The following EOGT variants were observed in gnomAD, a reference collection of about 807,000 sequenced individuals.
EOGT encodes the protein EGF domain specific O-linked N-acetylglucosamine transferase.
EOGT carries 55 observed loss-of-function variants against 70.5 expected under a neutral mutation model. The observed-to-expected ratio is 0.78, with a 90% confidence interval of 0.63 to 0.98. EOGT has a LOEUF of 0.98. Among genes scored for constraint, EOGT ranks in the 50% least tolerant of loss-of-function variants. The probability of loss-of-function intolerance (pLI) is 0.00; values close to 1 mark genes in which losing one functional copy is unlikely to be tolerated. For missense variants in EOGT, 703 were observed against 641.9 expected (o/e 1.10, Z -1.03); for synonymous variants, 246 against 217.1 (o/e 1.13, Z -1.17).
At chr3:69,011,071 T>C (rs2091561679) in intron 3 of EOGT, among the ~76,000 whole-genome samples, 1 of 152,052 alleles carries the variant, frequency 6.6e-6, no homozygotes, top group African/African-American at 2.4e-5. Flanking sequence ...GTGATAATGG[T>C]CAGAAACCTC....
chr3:68,993,493 T>C (rs769086707), intron 10 of EOGT, among the ~76,000 whole-genome samples: 19 of 152,190 alleles, frequency 1.2e-4, no homozygotes, highest in Non-Finnish European at 2.1e-4. Flanking sequence ...TCCATATCAC[T>C]ATCAGCATTT....
At chr3:69,011,404 T>C (rs902821113) in intron 3 of EOGT, among the ~76,000 whole-genome samples, 1 of 151,646 alleles carries the variant, frequency 6.6e-6, no homozygotes, top group African/African-American at 2.4e-5. Flanking sequence ...GACTGGCAGA[T>C]TGCTTGAGTC....
At chr3:68,987,370 T>A in intron 14 of EOGT, 75 bp downstream of exon 14, 1 of 1,052,426 alleles carries the variant, frequency 9.5e-7, no homozygotes, top group Non-Finnish European at 1.4e-6. Flanking sequence ...TTTAACGTAA[T>A]GTGAAAAAAA....
In EOGT at chr3:68,996,051, G is replaced by GT. The variant is rs773689196; in HGVS notation, c.831+1959dup. 8.5e-5 allele frequency among the ~76,000 whole-genome samples: 13 copies of GT among 152,310 alleles called. No homozygotes were observed. The South Asian group carries it at 2.5e-3, about 29-fold the overall frequency. On this transcript the variant is annotated intron_variant, in intron 10 of 17. Coordinates refer to ENST00000383701, the MANE Select transcript of EOGT (RefSeq NM_001278689.2). ...AATAATTTAGGGCTTGTAATGGCTG[G>GT]TGAGTGTGGCCTGACTTCACTGATA...
intron 3 of EOGT, 67 bp from the exon 4 acceptor site, chr3:69,009,927 CA>C: frequency 7.6e-5 from 41 of 538,290 alleles, no homozygotes; most frequent in Non-Finnish European, 1.1e-4. Context: ...ACAACAACAA[CA>C]ACAACAAAAA....
intron 14 of EOGT, among the ~76,000 whole-genome samples, chr3:68,985,251 AAC>A (rs1267360313): frequency 1.3e-5 from 2 of 152,102 alleles, no homozygotes; most frequent in Admixed American, 1.3e-4. Context: ...TAGGTCTTTA[AAC>A]ACACACATAC....
intron 2 of EOGT, 99 bp downstream of exon 2, chr3:69,012,416 G>C (rs1180506449): frequency 1.3e-5 from 2 of 152,076 alleles, no homozygotes; most frequent in African/African-American, 2.4e-5. Context: ...TTTTTGACTC[G>C]TCCTTCCCGG....
chr3:68,985,579 G>A (rs897936262), intron 14 of EOGT, among the ~76,000 whole-genome samples: 1 of 152,144 alleles, frequency 6.6e-6, no homozygotes. Flanking sequence ...TAATGTGAAT[G>A]TACTTTTACA....
Position 68,984,157 on chromosome 3 carries a change from T to C in EOGT, c.1153-1285A>G, listed in dbSNP as rs148610794. On this transcript the variant is annotated intron_variant, in intron 14 of 17. Transcript: ENST00000383701. ...CGTTCTTAACCAGTGCACTCTATTG[T>C]CCTGCTTACAGAAAGCAACAAGCAG... 1.2e-4 allele frequency among the ~76,000 whole-genome samples: 19 copies of C among 152,210 alleles called. No individual in the cohort carries two copies. The East Asian group carries it at 3.5e-3, about 28-fold the overall frequency.
At chr3:69,004,086 T>C (rs1303629930) in intron 8 of EOGT, among the ~76,000 whole-genome samples, 2 of 152,202 alleles carry the variant, frequency 1.3e-5, no homozygotes, top group Non-Finnish European at 1.5e-5. Context: ...AAGTAACCTA[T>C]GTGACTTTGT....
rs1286879678 is a variant in EOGT, at chr3:68,982,936, G to A, written c.1153-64C>T. 8 of 1,296,314 alleles carry A rather than the reference G, an allele frequency of 6.2e-6. No individual in the cohort carries two copies. The East Asian group carries it at 1.7e-4, about 28-fold the overall frequency. 80.3% of individuals were successfully genotyped at this position (1,296,314 alleles called of 1,614,324 possible). Reference sequence around the variant, plus strand: ...TCTTTCACTTCTGTTTTTCCCTTATGAGTCCTAAAATTTCTTTTTTTGCAT... The same window carrying A: ...TCTTTCACTTCTGTTTTTCCCTTATAAGTCCTAAAATTTCTTTTTTTGCAT... On this transcript the variant is annotated intron_variant, in intron 14 of 17. Coordinates refer to ENST00000383701, the MANE Select transcript of EOGT (RefSeq NM_001278689.2).
chr3:68,993,770 G>A (rs539923357), intron 10 of EOGT, among the ~76,000 whole-genome samples: 2 of 152,170 alleles, frequency 1.3e-5, no homozygotes, highest in East Asian at 1.9e-4. Context: ...CATGGCTGGG[G>A]AGGCCTCAGA....
rs2090457589 is a variant in EOGT, at chr3:68,975,791, A to G, written c.*1827T>C. The G allele has an allele frequency of 6.6e-6, 1 of 152,152 alleles. No homozygotes were observed. The highest frequency in any genetic ancestry group is 2.1e-4 in the South Asian group (1 of 4,832). The allele number at this position is 152,152 out of a possible 1,614,324, so 9.4% of individuals were successfully genotyped here. ...CAGGTATTTTAATAAATATTCCTCAATTCTAGAAGACTGTTCCAATCCTTT... is the reference window on the plus strand; with the variant it reads ...CAGGTATTTTAATAAATATTCCTCAGTTCTAGAAGACTGTTCCAATCCTTT... On this transcript the variant is annotated 3_prime_UTR_variant, in exon 18 of 18. Coordinates refer to ENST00000383701, the MANE Select transcript of EOGT (RefSeq NM_001278689.2).
chr3:69,012,381 C>A (rs1254622522), intron 2 of EOGT, 134 bp downstream of exon 2: 1 of 152,228 alleles, frequency 6.6e-6, no homozygotes, highest in Non-Finnish European at 1.5e-5. Flanking sequence ...GAGTGGCGAG[C>A]CTGAGGGTTC....
intron 10 of EOGT, among the ~76,000 whole-genome samples, chr3:68,991,864 T>C (rs778056903): frequency 6.6e-6 from 1 of 151,684 alleles, no homozygotes; most frequent in Non-Finnish European, 1.5e-5. Flanking sequence ...TGGCGGGAGG[T>C]GAAAGACACT....
In EOGT at chr3:69,004,478, T is replaced by G; in HGVS notation, c.520A>C (p.Lys174Gln). 2 of 1,608,362 alleles carry G rather than the reference T, an allele frequency of 1.2e-6. No individual in the cohort carries two copies. Among genetic ancestry groups the G allele is most frequent in the Non-Finnish European group, 1.7e-6 (2 of 1,174,804 alleles). Reference sequence around the variant, plus strand: ...TCACCACTCTGGAAAAAGTCCTCCTTAAATCTGGTATATAACAAAACATTA... The same window carrying G: ...TCACCACTCTGGAAAAAGTCCTCCTGAAATCTGGTATATAACAAAACATTA... ...RNIKRNHDRFKEDFFQSGEIG... is the reference protein window; with the variant it reads ...RNIKRNHDRFQEDFFQSGEIG... The change falls in exon 8 of 18, where the codon AAG (lysine) becomes CAG (glutamine). Residue 174 changes from lysine to glutamine, a missense_variant. Physicochemically the swap from Lys to Gln is moderately conservative, Grantham distance 53 (BLOSUM62 1). Coordinates refer to ENST00000383701, the MANE Select transcript of EOGT (RefSeq NM_001278689.2).
chr3:68,984,550 T>C (rs1308496163), intron 14 of EOGT, among the ~76,000 whole-genome samples: 1 of 152,204 alleles, frequency 6.6e-6, no homozygotes, highest in Non-Finnish European at 1.5e-5. Flanking sequence ...TTTGGGTTGA[T>C]TAATACATAC....
intron 9 of EOGT, among the ~76,000 whole-genome samples, chr3:68,999,446 T>C (rs952806580): frequency 3.3e-5 from 5 of 152,220 alleles, no homozygotes; most frequent in African/African-American, 1.2e-4. Flanking sequence ...ACTTAGAGCA[T>C]GCATTTTAAA....
intron 6 of EOGT, 41 bp downstream of exon 6, chr3:69,007,672 T>C (rs1274962498): frequency 2.3e-6 from 3 of 1,312,920 alleles, no homozygotes; most frequent in East Asian, 2.4e-5. Context: ...AAAATTAAAA[T>C]TAAATAAACA....
Sources: allele counts gnomAD v4.1 joint callset (sites outside exome capture counted in the v4.1 genomes callset), GRCh38; gene constraint gnomAD v4.1.1; transcripts MANE v1.5; gene names NCBI Gene and HGNC (gene_info 2026-07-23, HGNC 2026-07-21).